Variants in MAP3K4 observed in about 807,000 individuals in gnomAD.
MAP3K4 encodes the protein mitogen-activated protein kinase kinase kinase 4, also known as MAP three kinase 1.
MAP3K4 carries 67 observed loss-of-function variants against 185.6 expected under a neutral mutation model. That is an observed-to-expected ratio of 0.36 (90% CI 0.30 to 0.44). MAP3K4 has a LOEUF of 0.44. Ranked by LOEUF, MAP3K4 falls within the 20% of genes least tolerant of loss-of-function variation. The pLI is 1.00. For synonymous variants in MAP3K4, 702 were observed against 710.4 expected, an observed-to-expected ratio of 0.99 and a Z score of 0.19; for missense variants, 1,551 against 1,995.1, an observed-to-expected ratio of 0.78 and a Z score of 4.24.
rs942258590 is a variant in MAP3K4, at chr6:161,051,729, A to G, written c.1707+1750A>G. Among the ~76,000 whole-genome samples, 4 of 152,216 alleles carry G rather than the reference A, an allele frequency of 2.6e-5. No individual in the cohort carries two copies. Among genetic ancestry groups the G allele is most frequent in the Non-Finnish European group, 5.9e-5 (4 of 68,038 alleles). ...AGTCCCTCATATAAAATGGTGTAGTATTTACATACAACCTATGTGCATCCT... is the reference window on the plus strand; with the variant it reads ...AGTCCCTCATATAAAATGGTGTAGTGTTTACATACAACCTATGTGCATCCT... On this transcript the variant is annotated intron_variant, in intron 3 of 26. Coordinates refer to ENST00000392142, the MANE Select transcript of MAP3K4 (RefSeq NM_005922.4). The surrounding 1 kb of genome is among the most constrained non-coding windows in gnomAD (Gnocchi z 4.2).
chr6:161,026,741 T>C (rs1782688220), intron 1 of MAP3K4, among the ~76,000 whole-genome samples: 1 of 147,920 alleles, frequency 6.8e-6, no homozygotes, highest in Non-Finnish European at 1.5e-5. Flanking sequence ...TCCTTTTTTT[T>C]TTTTTTTTTT....
intron 1 of MAP3K4, among the ~76,000 whole-genome samples, chr6:161,026,876 C>A (rs1782698958): frequency 6.6e-6 from 1 of 151,270 alleles, no homozygotes; most frequent in African/African-American, 2.4e-5. Context: ...TGAAAGCCTT[C>A]ATCTGAATTA....
At position 161,076,221 on chromosome 6, in the gene MAP3K4, G is replaced by A. The variant is rs949921327; in HGVS notation, c.2097+2609G>A. ...ATTAACTAGAGCCTTGATATCTAGG[G>A]GTGTGACAGCCATGACCGAAGCTGA... On this transcript the variant is annotated intron_variant, in intron 5 of 26. Transcript: ENST00000392142. The surrounding 1 kb of genome is among the most constrained non-coding windows in gnomAD (Gnocchi z 4.2). 2.0e-5 allele frequency among the ~76,000 whole-genome samples: 3 copies of A among 152,204 alleles called. No individual in the cohort carries two copies. Among genetic ancestry groups the A allele is most frequent in the African/African-American group, 7.2e-5 (3 of 41,448 alleles).
chr6:161,089,216 G>T (rs1785899802), intron 10 of MAP3K4, 106 bp from the exon 11 acceptor site: 2 of 1,223,566 alleles, frequency 1.6e-6, no homozygotes, highest in Non-Finnish European at 2.3e-6. Context: ...GATGGTTGTT[G>T]GCCTGGTATC....
At position 161,037,121 on chromosome 6, in the gene MAP3K4, C is replaced by A. The variant is rs1249127872; in HGVS notation, c.343+2672C>A. 6.6e-6 allele frequency among the ~76,000 whole-genome samples: 1 copy of A among 152,152 alleles called. No individual in the cohort carries two copies. Among genetic ancestry groups the A allele is most frequent in the Non-Finnish European group, 1.5e-5 (1 of 68,016 alleles). ...ACATTCTTGTTTATGAATACCAAGA[C>A]AAGGTGGAAATGGGACGCCAGTGGT... On this transcript the variant is annotated intron_variant, in intron 2 of 26. Coordinates refer to ENST00000392142, the MANE Select transcript of MAP3K4 (RefSeq NM_005922.4). This position sits in a 1 kb window ranked among gnomAD's most constrained non-coding sequence, Gnocchi z 4.2.
chr6:161,004,111 C>A (rs1781461383), intron 1 of MAP3K4, among the ~76,000 whole-genome samples: 1 of 65,922 alleles, frequency 1.5e-5, no homozygotes, highest in Non-Finnish European at 4.6e-5. Context: ...GGAATATGTC[C>A]TGAACATCTA....
At chr6:161,041,529 T>C (rs914688459) in intron 2 of MAP3K4, among the ~76,000 whole-genome samples, 2 of 152,094 alleles carry the variant, frequency 1.3e-5, no homozygotes, top group South Asian at 2.1e-4. Context: ...GGGGCAAGGG[T>C]AGGGCCAGGA....
chr6:160,995,349 C>A (rs1331984967), intron 1 of MAP3K4, among the ~76,000 whole-genome samples: 1 of 152,246 alleles, frequency 6.6e-6, no homozygotes, highest in Non-Finnish European at 1.5e-5. Flanking sequence ...ATCTTTGTCA[C>A]ATACTTTATG....
chr6:161,036,861 C>G (rs762754257), intron 2 of MAP3K4, among the ~76,000 whole-genome samples: 9 of 152,106 alleles, frequency 5.9e-5, no homozygotes, highest in Non-Finnish European at 1.2e-4. Context: ...GCATTTTGAA[C>G]CTCAGATTTT....
chr6:160,992,782 T>C (rs1780795566), intron 1 of MAP3K4, among the ~76,000 whole-genome samples: 1 of 152,232 alleles, frequency 6.6e-6, no homozygotes, highest in South Asian at 2.1e-4. Flanking sequence ...TGTTGCTTTT[T>C]CTTCCATACT....
At position 161,077,179 on chromosome 6, in the gene MAP3K4, A is replaced by G. The variant is rs112814645; in HGVS notation, c.2097+3567A>G. 2.8e-4 allele frequency among the ~76,000 whole-genome samples: 42 copies of G among 152,346 alleles called. No homozygotes were observed. Among genetic ancestry groups the G allele is most frequent in the African/African-American group, 8.9e-4 (37 of 41,578 alleles). ...GACTAGAAGGAAATGTGCTCAGTTC[A>G]TGATCATTGTTGCCTCTGGGGAGGG... On this transcript the variant is annotated intron_variant, in intron 5 of 26. Coordinates refer to ENST00000392142, the MANE Select transcript of MAP3K4 (RefSeq NM_005922.4). The surrounding 1 kb of genome is among the most constrained non-coding windows in gnomAD (Gnocchi z 4.3).
chr6:161,048,642 C>T lies in MAP3K4; in HGVS notation c.370C>T (p.Pro124Ser), dbSNP rs1213744606. 8 of 1,599,578 alleles carry T rather than the reference C, an allele frequency of 5.0e-6. No homozygotes were observed. The highest frequency in any genetic ancestry group is 2.2e-5 in the East Asian group (1 of 44,772). Reference protein sequence around the residue: ...KEKMNAPNQPPHKDTGKTVEN... With the variant: ...KEKMNAPNQPSHKDTGKTVEN... ...AAAAATGAATGCACCAAATCAGCCT[C>T]CACATAAAGACACTGGAAAAACAGT... is the stretch of plus-strand genomic sequence containing the variant. Residue 124 changes from proline (P) to serine (S), a missense_variant, in exon 3 of 27, where the codon CCA becomes TCA. Coordinates refer to ENST00000392142, the MANE Select transcript of MAP3K4 (RefSeq NM_005922.4). This position sits in a 1 kb window ranked among gnomAD's most constrained non-coding sequence, Gnocchi z 4.7.
chr6:161,003,140 C>T (rs1300390767), intron 1 of MAP3K4, among the ~76,000 whole-genome samples: 2 of 152,112 alleles, frequency 1.3e-5, no homozygotes, highest in Non-Finnish European at 2.9e-5. Context: ...TTTAGGATAG[C>T]TTCCTAGGTC....
At chr6:161,041,309 A>G (rs1046118121) in intron 2 of MAP3K4, among the ~76,000 whole-genome samples, 9 of 152,326 alleles carry the variant, frequency 5.9e-5, no homozygotes, top group African/African-American at 1.9e-4. Context: ...GTGGGTAACT[A>G]TCTCTTAACA....
chr6:161,044,515 A>C (rs1192966936), intron 2 of MAP3K4, among the ~76,000 whole-genome samples: 1 of 152,190 alleles, frequency 6.6e-6, no homozygotes, highest in East Asian at 1.9e-4. Flanking sequence ...AAGTCTATAG[A>C]CTACCCCCGC....
chr6:161,089,544 A>C lies in MAP3K4; in HGVS notation c.2973+73A>C, dbSNP rs1785922125. The C allele has an allele frequency of 6.6e-6, 10 of 1,509,452 alleles. No homozygotes were observed. In the Admixed American group the frequency reaches 2.1e-4, roughly 31 times the overall value. 93.5% of individuals were successfully genotyped at this position (1,509,452 alleles called of 1,614,324 possible). On this transcript the variant is annotated intron_variant, in intron 11 of 26. Transcript: ENST00000392142. ...AAGTCAGTGTGTGGTAATGTGTGTA[A>C]GGTAATATCATCCAAGGAACTTGAG...
rs1784243926 is a variant in MAP3K4, at chr6:161,056,563, A to G, written c.1707+6584A>G. On this transcript the variant is annotated intron_variant, in intron 3 of 26. Coordinates refer to ENST00000392142, the MANE Select transcript of MAP3K4 (RefSeq NM_005922.4). The surrounding 1 kb of genome is among the most constrained non-coding windows in gnomAD (Gnocchi z 5.4). ...TCTTATAGTGAGAAACCTGGCTACC[A>G]TTACTACAATTAATTACATGTTTGT... Among the ~76,000 whole-genome samples, 1 of 152,234 alleles carries G rather than the reference A, an allele frequency of 6.6e-6. No homozygotes were observed. Among genetic ancestry groups the G allele is most frequent in the Non-Finnish European group, 1.5e-5 (1 of 68,044 alleles).
chr6:160,998,405 C>G (rs915841238), intron 1 of MAP3K4, among the ~76,000 whole-genome samples: 2 of 152,140 alleles, frequency 1.3e-5, no homozygotes, highest in East Asian at 3.9e-4. Flanking sequence ...AAATAAAAAG[C>G]TAATCAGAGA....
chr6:161,037,328 G>A lies in MAP3K4; in HGVS notation c.343+2879G>A, dbSNP rs920943131. Among the ~76,000 whole-genome samples, 1 of 152,122 alleles carries A rather than the reference G, an allele frequency of 6.6e-6. No individual in the cohort carries two copies. Among genetic ancestry groups the A allele is most frequent in the African/African-American group, 2.4e-5 (1 of 41,414 alleles). On this transcript the variant is annotated intron_variant, in intron 2 of 26. Coordinates refer to ENST00000392142, the MANE Select transcript of MAP3K4 (RefSeq NM_005922.4). This position sits in a 1 kb window ranked among gnomAD's most constrained non-coding sequence, Gnocchi z 4.2. ...TCTGCGTATGCAGCCTCCATATCTCGTTTCTCTATCTGTAAAATCATCTGC... is the reference window on the plus strand; with the variant it reads ...TCTGCGTATGCAGCCTCCATATCTCATTTCTCTATCTGTAAAATCATCTGC...
Sources: gnomAD v4.1 joint callset for allele counts (sites outside exome capture counted in the v4.1 genomes callset) on GRCh38, gnomAD v4.1.1 for gene constraint, Gnocchi (gnomAD v3.1) non-coding constraint, MANE v1.5 for transcripts, NCBI Gene and HGNC (gene_info 2026-07-23, HGNC 2026-07-21) for gene names.